Variants in ST18 observed in about 807,000 individuals in gnomAD.
ST18 encodes ST18 C2H2C-type zinc finger transcription factor, also known as suppression of tumorigenicity 18 protein.
A neutral mutation model predicts 110.0 loss-of-function variants in ST18; 50 were observed. That is an observed-to-expected ratio of 0.45 (90% CI 0.36 to 0.58). The LOEUF (loss-of-function observed/expected upper bound fraction) is 0.58. Among genes scored for constraint, ST18 ranks in the 20% least tolerant of loss-of-function variants. The pLI is 0.00. For synonymous variants in ST18, 461 were observed against 452.4 expected, an observed-to-expected ratio of 1.02 and a Z score of -0.24; for missense variants, 1,306 against 1,280.1, an observed-to-expected ratio of 1.02 and a Z score of -0.31.
At chr8:52,153,819 A>G (rs1273420735) in intron 15 of ST18, among the ~76,000 whole-genome samples, 1 of 152,220 alleles carries the variant, frequency 6.6e-6, no homozygotes, top group East Asian at 1.9e-4. Context: ...GTATCTCTGT[A>G]CTACTGTTTC....
chr8:52,377,229 C>T lies in ST18; in HGVS notation c.-465+32099G>A, dbSNP rs137981829. On this transcript the variant is annotated intron_variant, in intron 2 of 25. Coordinates refer to ENST00000689386, the MANE Select transcript of ST18 (RefSeq NM_001352837.2). ...TTATATTACCTAAATGCTGGCCATA[C>T]CCATTCAAGTAAGATTCAATAAAGA... is the stretch of plus-strand genomic sequence containing the variant. Among the ~76,000 whole-genome samples the T allele has an allele frequency of 4.6e-5, 7 of 152,248 alleles. No individual in the cohort carries two copies. The East Asian group carries it at 1.2e-3, about 25-fold the overall frequency.
rs368605818 is a variant in ST18, at chr8:52,159,001, T to C, written c.1703A>G (p.Glu568Gly). 1.1e-5 allele frequency: 17 copies of C among 1,614,108 alleles called. No individual in the cohort carries two copies. In the African/African-American group the frequency reaches 1.9e-4, roughly 18 times the overall value. The change falls in exon 15 of 26, where the codon GAA becomes GGA. Residue 568 changes from glutamate (E) to glycine (G), a missense_variant. Physicochemically the swap from Glu to Gly is moderately conservative, Grantham distance 98. Coordinates refer to ENST00000689386, the MANE Select transcript of ST18 (RefSeq NM_001352837.2). ...AGCAGCTGCTGCTATGTGGGTGTCT[T>C]CACTACATTGACCGTAGCTATAAGA... ...ASSYSYGQCS[E>G]DTHIAAAAAI...
intron 15 of ST18, among the ~76,000 whole-genome samples, chr8:52,157,147 C>T (rs539027620): frequency 6.6e-6 from 1 of 152,288 alleles, no homozygotes; most frequent in East Asian, 1.9e-4. Context: ...TTAACAATTG[C>T]TTTTCTAACC....
chr8:52,244,704 T>C (rs561608737), intron 2 of ST18, among the ~76,000 whole-genome samples: 3 of 152,234 alleles, frequency 2.0e-5, no homozygotes, highest in East Asian at 3.9e-4. Context: ...AAAAGTGAAA[T>C]AGAGTCCCAA....
intron 6 of ST18, among the ~76,000 whole-genome samples, chr8:52,214,708 A>G (rs1467853274): frequency 2.0e-5 from 3 of 152,192 alleles, no homozygotes; most frequent in African/African-American, 7.2e-5. Context: ...CCTCGTGTAA[A>G]AAAGCACCAT....
At chr8:52,159,968 T>A (rs2060998618) in intron 14 of ST18, among the ~76,000 whole-genome samples, 1 of 152,054 alleles carries the variant, frequency 6.6e-6, no homozygotes, top group South Asian at 2.1e-4. Flanking sequence ...TATATTAAAT[T>A]TTTTTATTTT....
intron 2 of ST18, among the ~76,000 whole-genome samples, chr8:52,342,696 T>C (rs1369735729): frequency 6.6e-6 from 1 of 152,160 alleles, no homozygotes; most frequent in Non-Finnish European, 1.5e-5. Flanking sequence ...TCTAATGGGC[T>C]GTGAAAAGAC....
At chr8:52,213,220 A>G (rs1429548594) in intron 7 of ST18, among the ~76,000 whole-genome samples, 1 of 152,216 alleles carries the variant, frequency 6.6e-6, no homozygotes, top group East Asian at 1.9e-4. Flanking sequence ...ATGGTTAATG[A>G]TAACCATGGT....
chr8:52,280,690 C>T (rs1363207644), intron 2 of ST18, among the ~76,000 whole-genome samples: 4 of 151,842 alleles, frequency 2.6e-5, no homozygotes, highest in Admixed American at 1.3e-4. Context: ...TATAACAATT[C>T]GGGACTTGTA....
At chr8:52,246,213 A>T (rs539467671) in intron 2 of ST18, among the ~76,000 whole-genome samples, 1 of 152,254 alleles carries the variant, frequency 6.6e-6, no homozygotes, top group African/African-American at 2.4e-5. Flanking sequence ...AAAAATAAAT[A>T]AATTAAATAT....
At chr8:52,223,728 T>A (rs527408490) in intron 3 of ST18, among the ~76,000 whole-genome samples, 78 of 152,150 alleles carry the variant, frequency 5.1e-4, no homozygotes, top group African/African-American at 1.8e-3. Context: ...AGTGAAAAAT[T>A]TATTGAAAGG....
intron 2 of ST18, among the ~76,000 whole-genome samples, chr8:52,326,538 G>C (rs1487446475): frequency 6.6e-6 from 1 of 152,132 alleles, no homozygotes; most frequent in East Asian, 1.9e-4. Context: ...TATTTAGGCA[G>C]GTGAGGCTAT....
chr8:52,208,472 T>G (rs1443400984), intron 8 of ST18, among the ~76,000 whole-genome samples: 1 of 152,236 alleles, frequency 6.6e-6, no homozygotes, highest in East Asian at 1.9e-4. Context: ...AGTACTTTTC[T>G]CCCAAGATTT....
At chr8:52,319,128 A>T (rs1474175090) in intron 2 of ST18, among the ~76,000 whole-genome samples, 1 of 152,202 alleles carries the variant, frequency 6.6e-6, no homozygotes, top group Non-Finnish European at 1.5e-5. Context: ...TAAGGACACT[A>T]TTCAGAAAAC....
intron 2 of ST18, among the ~76,000 whole-genome samples, chr8:52,365,376 G>T (rs1460421914): frequency 6.6e-6 from 1 of 152,004 alleles, no homozygotes; most frequent in Non-Finnish European, 1.5e-5. Flanking sequence ...AGTCACTGCA[G>T]ACCACCCTGA....
rs1442101752 is a variant in ST18 at position 52,409,742 on chromosome 8, A to C, written c.-784T>G. 1 of 152,280 alleles carries C rather than the reference A, an allele frequency of 6.6e-6. No homozygotes were observed. The highest frequency in any genetic ancestry group is 1.5e-5 in the Non-Finnish European group (1 of 68,056). 9.4% of individuals were successfully genotyped at this position (152,280 alleles called of 1,614,324 possible). A position where few individuals can be genotyped will look rare whatever the true frequency, so the allele number is the denominator to read the frequency against. Reference sequence around the variant, plus strand: ...ACATCCTGCCCTTCTCCCTACAAAAAGGTTCCATAGAATCAGAACGCAGAG... The same window carrying C: ...ACATCCTGCCCTTCTCCCTACAAAACGGTTCCATAGAATCAGAACGCAGAG... On this transcript the variant is annotated 5_prime_UTR_variant, in exon 1 of 26. Coordinates refer to ENST00000689386, the MANE Select transcript of ST18 (RefSeq NM_001352837.2).
intron 8 of ST18, among the ~76,000 whole-genome samples, chr8:52,209,167 T>C (rs1283259199): frequency 6.6e-6 from 1 of 152,144 alleles, no homozygotes; most frequent in Non-Finnish European, 1.5e-5. Context: ...AGATAAACCA[T>C]AAGGGTTAAA....
chr8:52,230,945 T>G (rs932637741), intron 2 of ST18, among the ~76,000 whole-genome samples: 1 of 152,040 alleles, frequency 6.6e-6, no homozygotes, highest in Non-Finnish European at 1.5e-5. Flanking sequence ...TAAAAAGACT[T>G]CCTGAAAAAC....
At chr8:52,169,029 G>A (rs1207502970) in intron 10 of ST18, among the ~76,000 whole-genome samples, 1 of 152,014 alleles carries the variant, frequency 6.6e-6, no homozygotes, top group African/African-American at 2.4e-5. Flanking sequence ...TCCCCTCCTC[G>A]CCACACTGTT....
Sources: allele counts gnomAD v4.1 joint callset (sites outside exome capture counted in the v4.1 genomes callset), GRCh38; gene constraint gnomAD v4.1.1; transcripts MANE v1.5; gene names NCBI Gene and HGNC (gene_info 2026-07-23, HGNC 2026-07-21).